Variants in CHRM2 observed in about 807,000 individuals in gnomAD.
CHRM2 encodes the protein cholinergic receptor muscarinic 2, also known as muscarinic acetylcholine receptor M2.
In CHRM2, 8 loss-of-function variants were observed where a neutral mutation model predicts 25.0. That is an observed-to-expected ratio of 0.32 (90% CI 0.19 to 0.58). The LOEUF is 0.58. Ranked by LOEUF, CHRM2 falls within the 20% of genes least tolerant of loss-of-function variation. The pLI is 0.88. For missense variants in CHRM2, 440 were observed against 567.1 expected (o/e 0.78, Z 2.28); for synonymous variants, 202 against 205.7 (o/e 0.98, Z 0.15).
rs1270557447 is a variant in CHRM2 at position 137,019,965 on chromosome 7, A to G, written c.*3699A>G. The G allele has an allele frequency of 1.3e-5, 2 of 151,840 alleles. No homozygotes were observed. The highest frequency in any genetic ancestry group is 2.9e-5 in the Non-Finnish European group (2 of 67,898). The allele number at this position is 151,840 out of a possible 1,614,324, so 9.4% of individuals were successfully genotyped here. The stretch of plus-strand genomic sequence containing the variant: ...TTCCTCCTCGCCCCAGTTTGATAAT[A>G]TCCCTTTCAACAACCATAGTACCGG... On this transcript the variant is annotated 3_prime_UTR_variant, in exon 4 of 4. Coordinates refer to ENST00000680005, the MANE Select transcript of CHRM2 (RefSeq NM_001006630.2).
At chr7:136,887,785 T>G (rs988415675) in intron 2 of CHRM2, among the ~76,000 whole-genome samples, 3 of 152,172 alleles carry the variant, frequency 2.0e-5, no homozygotes, top group Non-Finnish European at 4.4e-5. Flanking sequence ...TTCCCCCTTT[T>G]GGGAAACTTA....
chr7:136,949,243 C>G (rs769749404), intron 2 of CHRM2, among the ~76,000 whole-genome samples: 1 of 152,034 alleles, frequency 6.6e-6, no homozygotes, highest in Non-Finnish European at 1.5e-5. Context: ...TAAGTAGCTT[C>G]ATTTTTTAAA....
At chr7:137,002,569 G>A (rs1804121836) in intron 3 of CHRM2, among the ~76,000 whole-genome samples, 1 of 152,162 alleles carries the variant, frequency 6.6e-6, no homozygotes, top group South Asian at 2.1e-4. Flanking sequence ...CATTGGGTTA[G>A]GAAGAGGATT....
At chr7:136,901,173 C>G (rs908280242) in intron 2 of CHRM2, among the ~76,000 whole-genome samples, 3 of 151,948 alleles carry the variant, frequency 2.0e-5, no homozygotes, top group Non-Finnish European at 4.4e-5. Context: ...AAACGAGTGC[C>G]CTGGGAAAGG....
chr7:136,964,398 A>T (rs1311903304), intron 2 of CHRM2, among the ~76,000 whole-genome samples: 1 of 151,990 alleles, frequency 6.6e-6, no homozygotes, highest in Non-Finnish European at 1.5e-5. Context: ...AACTTCTATG[A>T]CCTCTGGAAG....
At chr7:136,978,733 G>C (rs1467260790) in intron 2 of CHRM2, among the ~76,000 whole-genome samples, 3 of 152,128 alleles carry the variant, frequency 2.0e-5, no homozygotes, top group African/African-American at 4.8e-5. Context: ...AGTTTGCTGA[G>C]AATGATGGTT....
chr7:136,895,665 G>A (rs1046796111), intron 2 of CHRM2, among the ~76,000 whole-genome samples: 1 of 152,154 alleles, frequency 6.6e-6, no homozygotes, highest in African/African-American at 2.4e-5. Flanking sequence ...AAGATTTACA[G>A]CATTTAAACT....
chr7:136,997,053 C>T (rs906423929), intron 3 of CHRM2, among the ~76,000 whole-genome samples: 1 of 152,036 alleles, frequency 6.6e-6, no homozygotes, highest in African/African-American at 2.4e-5. Context: ...CTGATTCTCC[C>T]CCTCCAAGGA....
chr7:136,986,728 G>A (rs1802880838), intron 2 of CHRM2, among the ~76,000 whole-genome samples: 1 of 151,972 alleles, frequency 6.6e-6, no homozygotes, highest in Non-Finnish European at 1.5e-5. Context: ...TCTACCCTGG[G>A]GCAAGCCGTA....
At chr7:136,884,505 C>CT (rs1584694698) in intron 2 of CHRM2, among the ~76,000 whole-genome samples, 2 of 139,230 alleles carry the variant, frequency 1.4e-5, no homozygotes, top group East Asian at 4.2e-4. Context: ...TTTTGGTTGT[C>CT]TTTTTTGCTT....
chr7:136,881,742 T>G (rs972486769), intron 2 of CHRM2, among the ~76,000 whole-genome samples: 3 of 152,056 alleles, frequency 2.0e-5, no homozygotes, highest in African/African-American at 7.2e-5. Context: ...CTTTCACTTC[T>G]CTCTGTTGAA....
At chr7:136,939,977 T>C (rs1042748734) in intron 2 of CHRM2, among the ~76,000 whole-genome samples, 2 of 152,226 alleles carry the variant, frequency 1.3e-5, no homozygotes, top group African/African-American at 4.8e-5. Context: ...TCTTCAGCTT[T>C]GTAATACATT....
rs1326518482 is a variant in CHRM2 at position 136,975,766 on chromosome 7, A to G, written c.-124-16421A>G. On this transcript the variant is annotated intron_variant, in intron 2 of 3. Transcript: ENST00000680005. ...TGGTGCAGTATTTGGAACAAAGCCA[A>G]TAAGATTGTGCCCATTATAAAACAG... 2.0e-5 allele frequency among the ~76,000 whole-genome samples: 3 copies of G among 152,304 alleles called. No individual in the cohort carries two copies. The South Asian group carries it at 6.2e-4, about 32-fold the overall frequency.
At chr7:136,969,277 A>C (rs1464949862) in intron 2 of CHRM2, among the ~76,000 whole-genome samples, 1 of 152,154 alleles carries the variant, frequency 6.6e-6, no homozygotes, top group Admixed American at 6.5e-5. Context: ...GGTACCAATA[A>C]ATTTCCAACC....
chr7:136,916,165 G>A (rs1290624983), intron 2 of CHRM2, among the ~76,000 whole-genome samples: 1 of 116,666 alleles, frequency 8.6e-6, no homozygotes, highest in Non-Finnish European at 2.2e-5. Flanking sequence ...GTTTTCATAT[G>A]AGAACTCTTA....
At chr7:136,951,430 A>T (rs1800407935) in intron 2 of CHRM2, among the ~76,000 whole-genome samples, 1 of 152,186 alleles carries the variant, frequency 6.6e-6, no homozygotes, top group Admixed American at 6.6e-5. Flanking sequence ...ATAATAAAAT[A>T]TGACTTGCTA....
chr7:136,901,084 C>A (rs536721851), intron 2 of CHRM2, among the ~76,000 whole-genome samples: 1 of 152,104 alleles, frequency 6.6e-6, no homozygotes, highest in East Asian at 1.9e-4. Flanking sequence ...TAATTGAGAA[C>A]GGAGTTTCTA....
chr7:136,914,115 CAT>C (rs1295602199), intron 2 of CHRM2: 1 of 151,910 alleles, frequency 6.6e-6, no homozygotes, highest in African/African-American at 2.4e-5. Context: ...CAAAAATACA[CAT>C]GTGATTGCTT....
At chr7:136,885,649 A>T (rs1796434265) in intron 2 of CHRM2, among the ~76,000 whole-genome samples, 1 of 152,222 alleles carries the variant, frequency 6.6e-6, no homozygotes, top group Admixed American at 6.5e-5. Flanking sequence ...CATCTAGGAT[A>T]CAAAGGTGAT....
Sources: gnomAD v4.1 joint callset for allele counts (sites outside exome capture counted in the v4.1 genomes callset) on GRCh38, gnomAD v4.1.1 for gene constraint, MANE v1.5 for transcripts, NCBI Gene and HGNC (gene_info 2026-07-23, HGNC 2026-07-21) for gene names.